SENP7: variants seen among roughly 807,000 people sequenced by gnomAD.
SENP7 encodes sentrin-specific protease 7.
A neutral mutation model predicts 141.2 loss-of-function variants in SENP7; 64 were observed. The ratio of observed to expected loss-of-function variants is 0.45; its 90% CI spans 0.37 to 0.56. SENP7 has a LOEUF of 0.56. Ranked by LOEUF, SENP7 falls within the 20% of genes least tolerant of loss-of-function variation. SENP7 has a pLI of 0.00. For missense variants in SENP7, 1,025 were observed against 1,212.2 expected (o/e 0.85, Z 2.29); for synonymous variants, 382 against 426.4 (o/e 0.90, Z 1.28).
chr3:101,433,287 C>T lies in SENP7; in HGVS notation c.285-15497G>A, dbSNP rs1486232426. Among the ~76,000 whole-genome samples the T allele has an allele frequency of 3.4e-5, 5 of 145,662 alleles. No individual in the cohort carries two copies. In the East Asian group the frequency reaches 8.0e-4, roughly 23 times the overall value. On this transcript the variant is annotated intron_variant, in intron 4 of 23. Coordinates refer to ENST00000394095, the MANE Select transcript of SENP7 (RefSeq NM_020654.5). ...TACACAAAAAATAAAAAGCATTAAA[C>T]CAAATCATATTAAAAATCACCTTCA...
intron 1 of SENP7, among the ~76,000 whole-genome samples, chr3:101,509,945 A>C (rs1310750225): frequency 6.6e-6 from 1 of 152,206 alleles, no homozygotes; most frequent in East Asian, 1.9e-4. Context: ...TTCTTAGCAC[A>C]ATGTCTAGTG....
intron 4 of SENP7, among the ~76,000 whole-genome samples, chr3:101,420,376 A>AAT (rs1281632370): frequency 1.3e-5 from 2 of 152,200 alleles, no homozygotes; most frequent in East Asian, 3.9e-4. Context: ...TCAAAAAAAA[A>AAT]AAGTGATAGG....
At chr3:101,428,908 T>C (rs945298737) in intron 4 of SENP7, among the ~76,000 whole-genome samples, 4 of 152,238 alleles carry the variant, frequency 2.6e-5, no homozygotes, top group African/African-American at 9.6e-5. Flanking sequence ...TTCCTGCATA[T>C]GGCTAGCCAG....
At chr3:101,385,610 T>C (rs148491522) in intron 6 of SENP7, among the ~76,000 whole-genome samples, 1,984 of 152,190 alleles carry the variant, frequency 0.013, 35 homozygotes, top group Non-Finnish European at 0.014. Context: ...TCTAAGACAA[T>C]TGCACTACCA....
intron 20 of SENP7, among the ~76,000 whole-genome samples, chr3:101,329,696 G>T: frequency 6.6e-6 from 1 of 150,856 alleles, no homozygotes; most frequent in Non-Finnish European, 1.5e-5. Flanking sequence ...TCAGCACTTT[G>T]GGAGGCCCAG....
chr3:101,490,770 T>C (rs544322224), intron 3 of SENP7, among the ~76,000 whole-genome samples: 59 of 152,184 alleles, frequency 3.9e-4, no homozygotes, highest in Non-Finnish European at 7.5e-4. Context: ...TATTCCTTTC[T>C]CTTCCATTGA....
intron 1 of SENP7, among the ~76,000 whole-genome samples, chr3:101,512,626 C>G (rs1207866124): frequency 6.6e-6 from 1 of 152,188 alleles, no homozygotes; most frequent in Admixed American, 6.5e-5. Context: ...CAAGCCCCAC[C>G]TTTCCTCCCC....
At chr3:101,504,591 G>T (rs1041472332) in intron 1 of SENP7, among the ~76,000 whole-genome samples, 84 of 152,150 alleles carry the variant, frequency 5.5e-4, no homozygotes, top group African/African-American at 1.9e-3. Context: ...AAAGTATCCT[G>T]TAGAAATTCA....
At chr3:101,340,610 A>G (rs564064713) in intron 15 of SENP7, among the ~76,000 whole-genome samples, 17 of 152,316 alleles carry the variant, frequency 1.1e-4, no homozygotes, top group Non-Finnish European at 1.9e-4. Flanking sequence ...TGAATCCTCA[A>G]GACTAGTTCC....
chr3:101,428,079 CT>C (rs1186743153), intron 4 of SENP7, among the ~76,000 whole-genome samples: 2 of 152,102 alleles, frequency 1.3e-5, no homozygotes, highest in Non-Finnish European at 2.9e-5. Context: ...GCCATGTTTT[CT>C]TTATCCAGTC....
intron 4 of SENP7, chr3:101,458,714 T>C (rs2063442378): frequency 3.1e-6 from 1 of 327,196 alleles, no homozygotes; most frequent in African/African-American, 2.1e-5. Flanking sequence ...TATCAGTCTA[T>C]GTATAACTCT....
chr3:101,504,906 C>T (rs1386727916), intron 1 of SENP7, among the ~76,000 whole-genome samples: 1 of 152,032 alleles, frequency 6.6e-6, no homozygotes, highest in Non-Finnish European at 1.5e-5. Flanking sequence ...GTGGTCTCAG[C>T]TGCTTGGGAG....
intron 11 of SENP7, among the ~76,000 whole-genome samples, chr3:101,352,558 G>A (rs978993633): frequency 5.3e-5 from 8 of 151,950 alleles, no homozygotes; most frequent in Admixed American, 3.9e-4. Flanking sequence ...TTATAATAGG[G>A]TTGTGGAGCA....
intron 11 of SENP7, among the ~76,000 whole-genome samples, chr3:101,355,984 T>C (rs143954526): frequency 1.3e-3 from 202 of 152,248 alleles, no homozygotes; most frequent in South Asian, 5.2e-3. Flanking sequence ...GTGAGTGGGA[T>C]TGCATTCCTG....
chr3:101,376,758 C>A (rs2060347304), intron 6 of SENP7, among the ~76,000 whole-genome samples: 2 of 151,596 alleles, frequency 1.3e-5, no homozygotes, highest in South Asian at 4.1e-4. Flanking sequence ...ACGTTGTGCA[C>A]ATGTACCCTA....
chr3:101,404,086 A>T (rs1163954189), intron 5 of SENP7, among the ~76,000 whole-genome samples: 2 of 152,208 alleles, frequency 1.3e-5, no homozygotes, highest in African/African-American at 4.8e-5. Context: ...ATTCATATGG[A>T]ACCAAAAAGA....
intron 5 of SENP7, among the ~76,000 whole-genome samples, chr3:101,402,001 CA>C (rs35310049): frequency 0.54 from 58,494 of 108,730 alleles, 12,144 homozygotes; most frequent in Admixed American, 0.63. Context: ...GACCCTGCCT[CA>C]AAAAAAAAAA....
Position 101,414,299 on chromosome 3 carries a change from T to C in SENP7, c.482+3294A>G, listed in dbSNP as rs543679103. On this transcript the variant is annotated intron_variant, in intron 5 of 23. Transcript: ENST00000394095. The stretch of plus-strand genomic sequence containing the variant: ...CTGGAGAGAGAGAACATCCGGAAGA[T>C]GCAGGGTCTCATGTTCCGGTGCAGC... The C allele has an allele frequency of 1.9e-5, 14 of 734,150 alleles. No individual in the cohort carries two copies. The East Asian group carries it at 2.9e-4, about 15-fold the overall frequency. The allele number at this position is 734,150 out of a possible 1,614,324, so 45.5% of individuals were successfully genotyped here.
intron 3 of SENP7, among the ~76,000 whole-genome samples, chr3:101,471,659 A>C (rs1233805978): frequency 6.6e-6 from 1 of 152,232 alleles, no homozygotes; most frequent in Non-Finnish European, 1.5e-5. Flanking sequence ...AATGCGATCT[A>C]ATTAAACTAA....
Sources: allele counts gnomAD v4.1 joint callset (sites outside exome capture counted in the v4.1 genomes callset), GRCh38; gene constraint gnomAD v4.1.1; transcripts MANE v1.5; gene names NCBI Gene and HGNC (gene_info 2026-07-23, HGNC 2026-07-21).